TRHDE: variants seen among roughly 807,000 people sequenced by gnomAD.
TRHDE encodes the protein thyrotropin releasing hormone degrading enzyme.
TRHDE carries 72 observed loss-of-function variants against 125.7 expected under a neutral mutation model. The ratio of observed to expected loss-of-function variants is 0.57; its 90% CI spans 0.47 to 0.70. The LOEUF (loss-of-function observed/expected upper bound fraction) is 0.70, where lower values mean the gene tolerates loss of function less well. Ranked by LOEUF, TRHDE falls within the 30% of genes least tolerant of loss-of-function variation. TRHDE has a pLI of 0.00. For missense variants in TRHDE, 1,110 were observed against 1,327.1 expected, an observed-to-expected ratio of 0.84 and a Z score of 2.54; for synonymous variants, 509 against 509.1, an observed-to-expected ratio of 1.00 and a Z score of 0.00.
intron 1 of TRHDE, among the ~76,000 whole-genome samples, chr12:72,095,793 G>C (rs1269663439): frequency 1.3e-5 from 2 of 152,110 alleles, no homozygotes; most frequent in African/African-American, 4.8e-5. Flanking sequence ...AACTTGGCTG[G>C]ACTGCAGGTC....
chr12:72,431,827 T>G (rs1874498270), intron 3 of TRHDE: 1 of 152,990 alleles, frequency 6.5e-6, no homozygotes, highest in Non-Finnish European at 1.5e-5. Flanking sequence ...CTCCAATAGC[T>G]GCTCTCAGGA....
intron 2 of TRHDE, among the ~76,000 whole-genome samples, chr12:72,292,331 G>A (rs901933464): frequency 1.2e-4 from 18 of 152,174 alleles, no homozygotes; most frequent in African/African-American, 4.1e-4. Flanking sequence ...AGAATCATCT[G>A]TTATCTGAAG....
chr12:72,418,184 A>T (rs1460694518), intron 3 of TRHDE, among the ~76,000 whole-genome samples: 1 of 152,048 alleles, frequency 6.6e-6, no homozygotes, highest in South Asian at 2.1e-4. Flanking sequence ...TAATTCTCAC[A>T]TTTATTCAGG....
chr12:72,272,608 G>C lies in TRHDE; in HGVS notation c.-36G>C. ...CCCGGGTGGCCCGCCCGCGGGGGGT[G>C]CCAGAGGGGGCGGGGGAGGAGGAGG... is the stretch of plus-strand genomic sequence containing the variant. On this transcript the variant is annotated 5_prime_UTR_variant, in exon 1 of 19. Coordinates refer to ENST00000261180, the MANE Select transcript of TRHDE (RefSeq NM_013381.3). The surrounding 1 kb of genome is among the most constrained non-coding windows in gnomAD (Gnocchi z 6.7). 2 of 851,860 alleles carry C rather than the reference G, an allele frequency of 2.3e-6. 1 individual carries two copies. The highest frequency in any genetic ancestry group is 3.5e-6 in the Non-Finnish European group (2 of 578,618). 52.8% of individuals were successfully genotyped at this position (851,860 alleles called of 1,614,324 possible).
At chr12:72,312,652 G>A (rs1565694353) in intron 2 of TRHDE, among the ~76,000 whole-genome samples, 1 of 152,112 alleles carries the variant, frequency 6.6e-6, no homozygotes, top group East Asian at 1.9e-4. Flanking sequence ...GGGAGGTCAC[G>A]AATTTACCAG....
In TRHDE at chr12:72,410,198, T is replaced by A. The variant is rs187176625; in HGVS notation, c.1315+32077T>A. Among the ~76,000 whole-genome samples, 903 of 152,044 alleles carry A rather than the reference T, an allele frequency of 5.9e-3. 7 individuals carry two copies. Among genetic ancestry groups the A allele is most frequent in the African/African-American group, 0.021 (865 of 41,542 alleles). ...ATTCCTAGAAAAACAAACTTACTAA[T>A]GTTGACAAACAAATATATATATATT... On this transcript the variant is annotated intron_variant, in intron 3 of 18. Transcript: ENST00000261180.
At chr12:72,364,212 T>C (rs1314593397) in intron 2 of TRHDE, among the ~76,000 whole-genome samples, 1 of 152,038 alleles carries the variant, frequency 6.6e-6, no homozygotes, top group Admixed American at 6.6e-5. Flanking sequence ...ATTTATTTAA[T>C]GAAAGAGTTG....
At chr12:72,339,059 T>C (rs12809071) in intron 2 of TRHDE, among the ~76,000 whole-genome samples, 52,759 of 152,060 alleles carry the variant, frequency 0.35, 9,883 homozygotes, top group Non-Finnish European at 0.43. Context: ...ATATTGTGAT[T>C]TGTTGTATGA....
intron 1 of TRHDE, among the ~76,000 whole-genome samples, chr12:72,276,148 A>G (rs1286465902): frequency 6.6e-6 from 1 of 152,160 alleles, no homozygotes; most frequent in Non-Finnish European, 1.5e-5. Context: ...TTTTAAACAG[A>G]CCCATATCAG....
Position 72,272,710 on chromosome 12 carries a change from A to C in TRHDE, c.67A>C (p.Lys23Gln), listed in dbSNP as rs1484330967. 4 of 1,400,078 alleles carry C rather than the reference A, an allele frequency of 2.9e-6. No individual in the cohort carries two copies. Among genetic ancestry groups the C allele is most frequent in the Non-Finnish European group, 2.8e-6 (3 of 1,069,562 alleles). 86.7% of individuals were successfully genotyped at this position (1,400,078 alleles called of 1,614,324 possible). The change falls in exon 1 of 19, where the codon AAG (lysine) becomes CAG (glutamine). Residue 23 changes from lysine to glutamine, a missense_variant. Transcript: ENST00000261180. The surrounding 1 kb of genome is among the most constrained non-coding windows in gnomAD (Gnocchi z 6.7). ...EKKKKKKKKR[K>Q]KKKEEEEEEE... The stretch of plus-strand genomic sequence containing the variant: ...GAAAAAGAAGAAGAAAAAGAAGAGG[A>C]AGAAGAAGAAGGAGGAGGAGGAGGA...
At chr12:72,380,766 G>GCTTCCTTGCTTCCTTCCTTCCTTC (rs1872124735) in intron 3 of TRHDE, among the ~76,000 whole-genome samples, 1 of 71,012 alleles carries the variant, frequency 1.4e-5, no homozygotes, top group African/African-American at 7.1e-5. Flanking sequence ...TTCCTTCCTT[G>GCTTCCTTGCTTCCTTCCTTCCTTC]CTTCCTTCCT....
chr12:72,188,974 C>A (rs1235300161), intron 2 of TRHDE, among the ~76,000 whole-genome samples: 3 of 152,168 alleles, frequency 2.0e-5, no homozygotes, highest in Non-Finnish European at 4.4e-5. Context: ...ATTTAAGCAA[C>A]TTATTTTTAT....
At chr12:72,368,814 C>G (rs1255237948) in intron 2 of TRHDE, among the ~76,000 whole-genome samples, 1 of 152,144 alleles carries the variant, frequency 6.6e-6, no homozygotes, top group South Asian at 2.1e-4. Flanking sequence ...CTGAAGTTCT[C>G]TTCCATTTTG....
chr12:72,530,984 T>A (rs1868522535), intron 6 of TRHDE, among the ~76,000 whole-genome samples: 1 of 152,162 alleles, frequency 6.6e-6, no homozygotes, highest in African/African-American at 2.4e-5. Flanking sequence ...AGGCACTCAA[T>A]AATTGTTTGT....
chr12:72,233,393 A>G (rs1338131120), intron 2 of TRHDE, among the ~76,000 whole-genome samples: 1 of 152,172 alleles, frequency 6.6e-6, no homozygotes, highest in Non-Finnish European at 1.5e-5. Flanking sequence ...TAGTGTGGGG[A>G]GTCAAAATCA....
At chr12:72,603,450 G>C (rs1310205396) in intron 12 of TRHDE, among the ~76,000 whole-genome samples, 2 of 152,122 alleles carry the variant, frequency 1.3e-5, no homozygotes, top group African/African-American at 4.8e-5. Context: ...TGTGGGCCGA[G>C]CGCGGTGTCT....
In TRHDE at chr12:72,618,313, A is replaced by T. The variant is rs1592575539; in HGVS notation, c.2322-578A>T. Among the ~76,000 whole-genome samples the T allele has an allele frequency of 2.6e-5, 4 of 152,240 alleles. 1 individual carries two copies. The highest frequency in any genetic ancestry group is 2.6e-4 in the Admixed American group (4 of 15,268). On this transcript the variant is annotated intron_variant, in intron 12 of 18. Coordinates refer to ENST00000261180, the MANE Select transcript of TRHDE (RefSeq NM_013381.3). ...AGAAAAAAAGAGTTATTCTTTTAAC[A>T]TTTTTGTAATTTGGACTTTATTAAA...
intron 2 of TRHDE, among the ~76,000 whole-genome samples, chr12:72,333,304 T>C (rs1457959886): frequency 6.6e-6 from 1 of 152,220 alleles, no homozygotes; most frequent in African/African-American, 2.4e-5. Flanking sequence ...GATGTCCTAC[T>C]ATAAGAGTCA....
intron 2 of TRHDE, among the ~76,000 whole-genome samples, chr12:72,179,776 C>T (rs1877058984): frequency 2.0e-5 from 3 of 152,116 alleles, no homozygotes; most frequent in Non-Finnish European, 4.4e-5. Flanking sequence ...TTCTCTACAG[C>T]AGCTAACACA....
Sources: allele counts gnomAD v4.1 joint callset (sites outside exome capture counted in the v4.1 genomes callset), GRCh38; gene constraint gnomAD v4.1.1; non-coding constraint Gnocchi (gnomAD v3.1); transcripts MANE v1.5; gene names NCBI Gene and HGNC (gene_info 2026-07-23, HGNC 2026-07-21).